DCC: variants seen among roughly 807,000 people sequenced by gnomAD.
DCC encodes the protein netrin receptor DCC.
DCC carries 58 observed loss-of-function variants against 172.5 expected under a neutral mutation model. The observed-to-expected ratio is 0.34, with a 90% CI of 0.27 to 0.42. The LOEUF (loss-of-function observed/expected upper bound fraction) is 0.42, where lower values mean the gene tolerates loss of function less well. Ranked by LOEUF, DCC falls within the 10% of genes least tolerant of loss-of-function variation. DCC has a pLI of 1.00. For missense variants in DCC, 1,740 were observed against 1,791.0 expected (o/e 0.97, Z 0.51); for synonymous variants, 709 against 644.5 (o/e 1.10, Z -1.52).
At chr18:53,233,933 G>A (rs563349574) in intron 12 of DCC, among the ~76,000 whole-genome samples, 33 of 152,148 alleles carry the variant, frequency 2.2e-4, no homozygotes, top group Middle Eastern at 6.8e-3. Context: ...GGCCAACATG[G>A]TGAAACCTTG....
chr18:53,400,079 A>G (rs1909202695), intron 18 of DCC, among the ~76,000 whole-genome samples: 1 of 152,134 alleles, frequency 6.6e-6, no homozygotes, highest in South Asian at 2.1e-4. Context: ...GGTCCAATAA[A>G]AAAGAAAAAG....
chr18:52,823,120 G>A (rs2038439380), intron 2 of DCC, among the ~76,000 whole-genome samples: 2 of 152,160 alleles, frequency 1.3e-5, no homozygotes, highest in African/African-American at 4.8e-5. Context: ...CCTCTGAGAT[G>A]CAGTGTCCCC....
intron 1 of DCC, among the ~76,000 whole-genome samples, chr18:52,390,736 T>G (rs1161779188): frequency 2.0e-5 from 3 of 152,100 alleles, no homozygotes; most frequent in Non-Finnish European, 2.9e-5. Context: ...AACAGTTTTG[T>G]GGCCAAGCAT....
At chr18:52,833,839 T>TAAA in intron 2 of DCC, among the ~76,000 whole-genome samples, 1 of 151,874 alleles carries the variant, frequency 6.6e-6, no homozygotes, top group African/African-American at 2.4e-5. Context: ...TAAAAAAAAT[T>TAAA]TTTTTGTAGA....
intron 7 of DCC, among the ~76,000 whole-genome samples, chr18:53,071,368 G>A (rs1448132963): frequency 6.6e-6 from 1 of 152,118 alleles, no homozygotes; most frequent in Non-Finnish European, 1.5e-5. Context: ...TGTATACACG[G>A]TTTCCTCTAG....
intron 9 of DCC, among the ~76,000 whole-genome samples, chr18:53,181,431 A>T (rs2055195118): frequency 6.7e-6 from 1 of 148,170 alleles, no homozygotes. Flanking sequence ...TTTTTTTAAC[A>T]CCAACGTTCC....
At chr18:52,836,662 C>A (rs1301425781) in intron 2 of DCC, among the ~76,000 whole-genome samples, 1 of 152,230 alleles carries the variant, frequency 6.6e-6, no homozygotes. Context: ...TTGGGCAGCT[C>A]TACTGCTGTG....
intron 14 of DCC, among the ~76,000 whole-genome samples, chr18:53,332,994 C>A: frequency 6.6e-6 from 1 of 151,248 alleles, no homozygotes; most frequent in South Asian, 2.1e-4. Flanking sequence ...CACTTGAGTC[C>A]TAGAGGTCAG....
At chr18:53,181,722 G>A (rs866874431) in intron 9 of DCC, among the ~76,000 whole-genome samples, 2 of 152,118 alleles carry the variant, frequency 1.3e-5, no homozygotes, top group Admixed American at 6.5e-5. Flanking sequence ...AAGCATATGT[G>A]AGTAATAAAG....
chr18:53,125,468 A>G (rs1369228950), intron 7 of DCC, among the ~76,000 whole-genome samples: 3 of 151,914 alleles, frequency 2.0e-5, no homozygotes, highest in African/African-American at 7.3e-5. Context: ...ACATATTCCC[A>G]TCCCCTGAAA....
Position 53,046,336 on chromosome 18 carries a change from T to C in DCC, c.986-16969T>C, listed in dbSNP as rs943635123. 2.6e-5 allele frequency among the ~76,000 whole-genome samples: 4 copies of C among 151,876 alleles called. No homozygotes were observed. The Admixed American group carries it at 2.6e-4, about 10-fold the overall frequency. ...TTGTTTTAAGCAATGCATTAATGCTTGCCAAATATTAAGTGAAAAAATAAA... is the reference window on the plus strand; with the variant it reads ...TTGTTTTAAGCAATGCATTAATGCTCGCCAAATATTAAGTGAAAAAATAAA... On this transcript the variant is annotated intron_variant, in intron 5 of 28. Transcript: ENST00000442544.
intron 12 of DCC, among the ~76,000 whole-genome samples, chr18:53,225,832 G>A (rs2056018437): frequency 2.0e-5 from 3 of 152,110 alleles, no homozygotes; most frequent in Non-Finnish European, 4.4e-5. Context: ...TGCTGGCTTG[G>A]GGTAGGCAGA....
At chr18:53,286,543 A>G (rs2056937862) in intron 12 of DCC, among the ~76,000 whole-genome samples, 1 of 152,214 alleles carries the variant, frequency 6.6e-6, no homozygotes, top group African/African-American at 2.4e-5. Flanking sequence ...TACCAGCAGC[A>G]TGAAAACAGA....
chr18:52,514,233 G>A (rs950672613), intron 1 of DCC, among the ~76,000 whole-genome samples: 3 of 144,442 alleles, frequency 2.1e-5, no homozygotes, highest in South Asian at 2.2e-4. Context: ...ATATGTGTGT[G>A]TATATGTATA....
At chr18:52,858,302 A>AT (rs1460425300) in intron 2 of DCC, among the ~76,000 whole-genome samples, 2 of 152,174 alleles carry the variant, frequency 1.3e-5, no homozygotes, top group Non-Finnish European at 2.9e-5. Flanking sequence ...CCCATGCTCA[A>AT]TTTGTAGATC....
intron 5 of DCC, among the ~76,000 whole-genome samples, chr18:52,947,034 T>C (rs1382108086): frequency 6.6e-6 from 1 of 152,172 alleles, no homozygotes; most frequent in Non-Finnish European, 1.5e-5. Flanking sequence ...TTGGGTCTTA[T>C]CTCAATATCG....
chr18:53,432,070 T>C (rs1054904219), intron 21 of DCC, among the ~76,000 whole-genome samples: 11 of 152,162 alleles, frequency 7.2e-5, no homozygotes, highest in African/African-American at 2.4e-4. Context: ...TATAAAGTTA[T>C]GTGACTGAAA....
chr18:52,540,261 C>T (rs958977968), intron 1 of DCC, among the ~76,000 whole-genome samples: 2 of 151,950 alleles, frequency 1.3e-5, no homozygotes, highest in Non-Finnish European at 2.9e-5. Context: ...TATAGCAAGG[C>T]CTTGTCTCTA....
chr18:52,423,219 A>G (rs1051210352), intron 1 of DCC, among the ~76,000 whole-genome samples: 1 of 152,170 alleles, frequency 6.6e-6, no homozygotes, highest in Non-Finnish European at 1.5e-5. Context: ...AAAGGCAGAA[A>G]TGCCCAAGAA....
Sources: gnomAD v4.1 joint callset for allele counts (sites outside exome capture counted in the v4.1 genomes callset) on GRCh38, gnomAD v4.1.1 for gene constraint, MANE v1.5 for transcripts, NCBI Gene and HGNC (gene_info 2026-07-23, HGNC 2026-07-21) for gene names.